The following SLC24A3 variants were observed in gnomAD, a reference collection of about 807,000 sequenced individuals.
SLC24A3 encodes sodium/potassium/calcium exchanger 3.
SLC24A3 carries 28 observed loss-of-function variants against 75.8 expected under a neutral mutation model. That is an observed-to-expected ratio of 0.37 (90% CI 0.27 to 0.51). The LOEUF (loss-of-function observed/expected upper bound fraction) is 0.51, where lower values mean the gene tolerates loss of function less well. Among genes scored for constraint, SLC24A3 ranks in the 20% least tolerant of loss-of-function variants. The pLI is 0.94. For missense variants in SLC24A3, 663 were observed against 847.8 expected, an observed-to-expected ratio of 0.78 and a Z score of 2.71; for synonymous variants, 372 against 334.1, an observed-to-expected ratio of 1.11 and a Z score of -1.24.
At chr20:19,307,441 G>C (rs1353070691) in intron 2 of SLC24A3, among the ~76,000 whole-genome samples, 1 of 152,182 alleles carries the variant, frequency 6.6e-6, no homozygotes, top group African/African-American at 2.4e-5. Flanking sequence ...GCTTCATGTA[G>C]ATGAGAAAAG....
At chr20:19,242,790 T>C (rs1254226726) in intron 1 of SLC24A3, among the ~76,000 whole-genome samples, 2 of 152,158 alleles carry the variant, frequency 1.3e-5, no homozygotes, top group Admixed American at 6.5e-5. Context: ...TCTTTCATAG[T>C]AGGGGAGAGA....
chr20:19,568,179 T>C (rs1299123668), intron 3 of SLC24A3, among the ~76,000 whole-genome samples: 1 of 152,188 alleles, frequency 6.6e-6, no homozygotes, highest in Non-Finnish European at 1.5e-5. Flanking sequence ...CCATTTACAC[T>C]ATAGTTAGGA....
At chr20:19,325,798 A>AGG (rs1984842232) in intron 2 of SLC24A3, among the ~76,000 whole-genome samples, 3 of 60,960 alleles carry the variant, frequency 4.9e-5, no homozygotes, top group Non-Finnish European at 8.8e-5. Flanking sequence ...ATATATATAG[A>AGG]GAGAGAGAGA....
At chr20:19,535,173 T>C (rs2030373700) in intron 3 of SLC24A3, among the ~76,000 whole-genome samples, 1 of 152,244 alleles carries the variant, frequency 6.6e-6, no homozygotes, top group Admixed American at 6.5e-5. Flanking sequence ...AGGAGTGATA[T>C]TGTATCAGTT....
In SLC24A3 at chr20:19,584,869, C is replaced by A. The variant is rs2031272869; in HGVS notation, c.424-102C>A. 3.9e-6 allele frequency: 4 copies of A among 1,021,736 alleles called. No individual in the cohort carries two copies. In the South Asian group the frequency reaches 6.0e-5, roughly 15 times the overall value. 63.3% of individuals were successfully genotyped at this position (1,021,736 alleles called of 1,614,324 possible). ...CATCGGTCCTACTCTCGCTGAAGCC[C>A]CAGTCTTTGCTTCTCAGGGCTTGGA... is the stretch of plus-strand genomic sequence containing the variant. On this transcript the variant is annotated intron_variant, in intron 4 of 16. Coordinates refer to ENST00000328041, the MANE Select transcript of SLC24A3 (RefSeq NM_020689.4).
chr20:19,444,727 G>A (rs111276936), intron 2 of SLC24A3, among the ~76,000 whole-genome samples: 8 of 151,804 alleles, frequency 5.3e-5, no homozygotes, highest in African/African-American at 1.9e-4. Flanking sequence ...TTTTTACCTG[G>A]CTTGATCAAT....
chr20:19,609,216 G>T (rs907256916), intron 6 of SLC24A3, among the ~76,000 whole-genome samples: 1 of 151,982 alleles, frequency 6.6e-6, no homozygotes, highest in African/African-American at 2.4e-5. Context: ...ACGAAGGAGG[G>T]GGTTATTATC....
intron 15 of SLC24A3, among the ~76,000 whole-genome samples, chr20:19,717,230 T>C (rs1661964907): frequency 6.6e-6 from 1 of 152,196 alleles, no homozygotes; most frequent in East Asian, 1.9e-4. Context: ...AATCTCACAG[T>C]CCCAGATAGA....
intron 7 of SLC24A3, 132 bp from the exon 8 acceptor site, chr20:19,665,732 C>T (rs1298348733): frequency 3.3e-6 from 4 of 1,217,948 alleles, no homozygotes; most frequent in Non-Finnish European, 4.4e-6. Flanking sequence ...GGTCCCAGGA[C>T]AACCCAGTCC....
chr20:19,383,266 T>C (rs965255242), intron 2 of SLC24A3, among the ~76,000 whole-genome samples: 9 of 152,342 alleles, frequency 5.9e-5, no homozygotes, highest in African/African-American at 2.2e-4. Flanking sequence ...TTGGATTTTT[T>C]ATTTAATCCC....
chr20:19,604,212 A>G (rs1303725268), intron 6 of SLC24A3, among the ~76,000 whole-genome samples: 3 of 151,556 alleles, frequency 2.0e-5, no homozygotes, highest in African/African-American at 7.3e-5. Flanking sequence ...TGAAGAGAGT[A>G]AAATAGGGGG....
intron 1 of SLC24A3, among the ~76,000 whole-genome samples, chr20:19,236,141 T>C (rs1253750976): frequency 1.3e-5 from 2 of 152,242 alleles, no homozygotes; most frequent in Admixed American, 6.5e-5. Flanking sequence ...AGCCATGCTC[T>C]GTTGGTAACA....
chr20:19,667,429 C>T (rs1429837552), intron 8 of SLC24A3, among the ~76,000 whole-genome samples: 1 of 152,192 alleles, frequency 6.6e-6, no homozygotes, highest in Non-Finnish European at 1.5e-5. Context: ...GGATAAAGTG[C>T]AGCACAAGAA....
At chr20:19,380,141 G>A (rs1178233875) in intron 2 of SLC24A3, among the ~76,000 whole-genome samples, 1 of 152,212 alleles carries the variant, frequency 6.6e-6, no homozygotes, top group Non-Finnish European at 1.5e-5. Context: ...AATATGATGA[G>A]ATGGCACAAC....
intron 3 of SLC24A3, among the ~76,000 whole-genome samples, chr20:19,521,049 ACTGT>A (rs1429875309): frequency 6.6e-6 from 1 of 152,060 alleles, no homozygotes; most frequent in Non-Finnish European, 1.5e-5. Flanking sequence ...TTTCAGGTCC[ACTGT>A]CTATTTCTGG....
At chr20:19,564,556 A>G (rs2030925719) in intron 3 of SLC24A3, among the ~76,000 whole-genome samples, 1 of 152,144 alleles carries the variant, frequency 6.6e-6, no homozygotes, top group African/African-American at 2.4e-5. Flanking sequence ...GATAAGGTTC[A>G]TCTAGTGGAG....
chr20:19,687,970 G>T (rs144142778), intron 12 of SLC24A3, among the ~76,000 whole-genome samples: 25 of 152,236 alleles, frequency 1.6e-4, no homozygotes, highest in Non-Finnish European at 2.9e-4. Flanking sequence ...TGAGGCTCAG[G>T]AACCCCACAT....
chr20:19,614,168 A>G (rs868765274), intron 6 of SLC24A3, among the ~76,000 whole-genome samples: 31 of 152,334 alleles, frequency 2.0e-4, no homozygotes, highest in Middle Eastern at 6.8e-3. Flanking sequence ...TGTTGGGACT[A>G]AAATCTATCT....
At chr20:19,425,877 A>C (rs149023229) in intron 2 of SLC24A3, among the ~76,000 whole-genome samples, 14 of 152,296 alleles carry the variant, frequency 9.2e-5, no homozygotes, top group African/African-American at 3.1e-4. Context: ...CCTTCAAGCC[A>C]GCTCGTGTGC....
Sources: allele counts gnomAD v4.1 joint callset (sites outside exome capture counted in the v4.1 genomes callset), GRCh38; gene constraint gnomAD v4.1.1; transcripts MANE v1.5; gene names NCBI Gene and HGNC (gene_info 2026-07-23, HGNC 2026-07-21).